Variants in IVD observed in about 807,000 individuals in gnomAD.
IVD encodes isovaleryl-CoA dehydrogenase, mitochondrial.
Under a neutral mutation model 51.3 loss-of-function variants are expected in IVD, and 31 were observed. That is an observed-to-expected ratio of 0.60 (90% CI 0.45 to 0.81). The LOEUF (loss-of-function observed/expected upper bound fraction) is 0.81, where lower values mean the gene tolerates loss of function less well. IVD is among the 40% of genes least tolerant of loss of function. The pLI is 0.00. For missense variants in IVD, 475 were observed against 552.0 expected, an observed-to-expected ratio of 0.86 and a Z score of 1.40; for synonymous variants, 205 against 219.4, an observed-to-expected ratio of 0.93 and a Z score of 0.58.
intron 7 of IVD, among the ~76,000 whole-genome samples, chr15:40,413,420 G>A (rs890972719): frequency 5.9e-5 from 9 of 152,038 alleles, no homozygotes; most frequent in Non-Finnish European, 8.8e-5. Flanking sequence ...ATTAACTCAC[G>A]TTTTTGTAAA....
chr15:40,406,102 C>G (rs1890380076), intron 1 of IVD, 131 bp downstream of exon 1: 4 of 1,539,966 alleles, frequency 2.6e-6, no homozygotes, highest in Non-Finnish European at 3.5e-6. Context: ...CCGTTGGGAG[C>G]GCCAGCGCGG....
chr15:40,430,172 C>T (rs1231833417), intron 7 of IVD, among the ~76,000 whole-genome samples: 1 of 152,220 alleles, frequency 6.6e-6, no homozygotes, highest in African/African-American at 2.4e-5. Flanking sequence ...GCGGCACAGG[C>T]AAAGGCTTGA....
At chr15:40,428,802 A>C (rs1355450148), downstream of IVD, among the ~76,000 whole-genome samples, 2 of 152,188 alleles carry the variant, frequency 1.3e-5, no homozygotes, top group Non-Finnish European at 2.9e-5. Context: ...AGGGGCAACA[A>C]GACAATCTCT....
intron 11 of IVD, 100 bp from the exon 12 acceptor site, chr15:40,418,030 C>A: frequency 1.4e-6 from 2 of 1,463,466 alleles, no homozygotes; most frequent in Admixed American, 3.8e-5. Flanking sequence ...CTTTAATCAC[C>A]CTCTCCTCCT....
chr15:40,431,003 T>C (rs911834775), intron 7 of IVD, among the ~76,000 whole-genome samples: 1 of 152,184 alleles, frequency 6.6e-6, no homozygotes, highest in African/African-American at 2.4e-5. Flanking sequence ...AATGAGTTGC[T>C]AACAGACATT....
rs753780323 is a variant in IVD, at chr15:40,420,454, T to C, written c.*2191T>C. ...AAATATATTGTGAAACAAACCTATC[T>C]GGGGAGAAGCAATCTACTTGCCGCT... is the stretch of plus-strand genomic sequence containing the variant. On this transcript the variant is annotated 3_prime_UTR_variant, in exon 12 of 12. Coordinates refer to ENST00000487418, the MANE Select transcript of IVD (RefSeq NM_002225.5). The C allele has an allele frequency of 2.5e-5, 25 of 987,550 alleles. No homozygotes were observed. Among genetic ancestry groups the C allele is most frequent in the Non-Finnish European group, 2.9e-5 (24 of 830,128 alleles). The allele number at this position is 987,550 out of a possible 1,614,324, so 61.2% of individuals were successfully genotyped here.
chr15:40,411,472 A>G, intron 5 of IVD, 83 bp from the exon 6 acceptor site: 6 of 1,606,262 alleles, frequency 3.7e-6, no homozygotes, highest in Non-Finnish European at 5.1e-6. Flanking sequence ...AAAGGTGGAC[A>G]GCTTCTTGCT....
rs68169695 is a variant in IVD at position 40,408,284 on chromosome 15, T to G, written c.286+294T>G. 0.13 allele frequency among the ~76,000 whole-genome samples: 19,817 copies of G among 152,248 alleles called. 1,387 individuals carry two copies. The highest frequency in any genetic ancestry group is 0.14 in the African/African-American group (5,677 of 41,550). On this transcript the variant is annotated intron_variant, in intron 3 of 11. Coordinates refer to ENST00000487418, the MANE Select transcript of IVD (RefSeq NM_002225.5). ...ACTTAATAGGCTCACCCAGGTGATT[T>G]GGGAAGTTTAGAAAACTCTGGATCA... is the stretch of plus-strand genomic sequence containing the variant.
chr15:40,432,735 CT>C (rs1893048132), intron 7 of IVD, among the ~76,000 whole-genome samples: 1 of 152,232 alleles, frequency 6.6e-6, no homozygotes, highest in African/African-American at 2.4e-5. Flanking sequence ...GGGCCCTGGC[CT>C]TGGGAGGATG....
At position 40,419,344 on chromosome 15, in the gene IVD, C is replaced by G. The variant is rs1892062591; in HGVS notation, c.*1081C>G. ...TGTCCAACGTGGTGAAACCCCATCT[C>G]TACTAAAAATACAAAAATTAGCCAG... On this transcript the variant is annotated 3_prime_UTR_variant, in exon 12 of 12. Transcript: ENST00000487418. 2.0e-5 allele frequency: 14 copies of G among 683,736 alleles called. No homozygotes were observed. The highest frequency in any genetic ancestry group is 6.1e-4 in the Middle Eastern group (2 of 3,280). 42.4% of individuals were successfully genotyped at this position (683,736 alleles called of 1,614,324 possible).
chr15:40,415,876 G>A (rs1307033225), intron 9 of IVD, among the ~76,000 whole-genome samples: 1 of 152,224 alleles, frequency 6.6e-6, no homozygotes, highest in African/African-American at 2.4e-5. Context: ...GCCACTTCGG[G>A]GTGTCATGCG....
At chr15:40,428,481 A>G (rs1892793232), downstream of IVD, among the ~76,000 whole-genome samples, 1 of 151,732 alleles carries the variant, frequency 6.6e-6, no homozygotes, top group Non-Finnish European at 1.5e-5. Context: ...CTCCCCTGGT[A>G]CCCTCCCTCC....
downstream of IVD, among the ~76,000 whole-genome samples, chr15:40,429,269 C>T (rs1892839495): frequency 6.6e-6 from 1 of 152,170 alleles, no homozygotes; most frequent in Non-Finnish European, 1.5e-5. Flanking sequence ...CAGGATCAGC[C>T]CACACGAGTG....
chr15:40,431,727 T>C (rs1382768188), intron 7 of IVD, among the ~76,000 whole-genome samples: 1 of 151,750 alleles, frequency 6.6e-6, no homozygotes, highest in Non-Finnish European at 1.5e-5. Context: ...GTAAAGAGCT[T>C]AACACAGTGC....
At chr15:40,418,096 C>G in intron 11 of IVD, 34 bp from the exon 12 acceptor site, 1 of 1,613,430 alleles carries the variant, frequency 6.2e-7, no homozygotes, top group African/African-American at 1.3e-5. Context: ...TTGTCAATCA[C>G]TTCCTTTCTT....
At chr15:40,423,960 C>T (rs1418889366), downstream of IVD, among the ~76,000 whole-genome samples, 1 of 152,180 alleles carries the variant, frequency 6.6e-6, no homozygotes, top group Non-Finnish European at 1.5e-5. Context: ...ACGCTAGTGC[C>T]GAGTGGGAGC....
downstream of IVD, among the ~76,000 whole-genome samples, chr15:40,427,430 G>GCTGC: frequency 6.6e-6 from 1 of 152,246 alleles, no homozygotes; most frequent in South Asian, 2.1e-4. Context: ...AGCGCTGGGG[G>GCTGC]CTGCCTGCCT....
chr15:40,408,279 T>A (rs1205117309), intron 3 of IVD, among the ~76,000 whole-genome samples: 1 of 152,210 alleles, frequency 6.6e-6, no homozygotes, highest in Non-Finnish European at 1.5e-5. Context: ...CTCACCCAGG[T>A]GATTTGGGAA....
At chr15:40,408,675 G>A (rs1213550324) in intron 3 of IVD, among the ~76,000 whole-genome samples, 1 of 152,168 alleles carries the variant, frequency 6.6e-6, no homozygotes, top group Non-Finnish European at 1.5e-5. Context: ...CCTAGGCCAG[G>A]CGTGGTTGCT....
Sources: gnomAD v4.1 joint callset for allele counts (sites outside exome capture counted in the v4.1 genomes callset) on GRCh38, gnomAD v4.1.1 for gene constraint, MANE v1.5 for transcripts, NCBI Gene and HGNC (gene_info 2026-07-23, HGNC 2026-07-21) for gene names.